Variants in VMA22 observed in about 807,000 individuals in gnomAD.
VMA22 encodes the protein vacuolar ATPase assembly protein VMA22.
At chr2:130,341,155 A>C in the VMA22 span, 1 of 1,294,280 alleles carries the variant, frequency 7.7e-7, no homozygotes, top group Non-Finnish European at 1.0e-6. Flanking sequence ...TTGGTTGGAA[A>C]ATTCCAACTT....
At chr2:130,342,636 G>T in the VMA22 span, 1 of 484,952 alleles carries the variant, frequency 2.1e-6, no homozygotes, top group Non-Finnish European at 3.7e-6. Flanking sequence ...GCGGTGGTGG[G>T]GGGAGGACGA....
the VMA22 span, chr2:130,339,929 A>G: frequency 1.1e-6 from 1 of 875,318 alleles, no homozygotes; most frequent in Non-Finnish European, 1.5e-6. Flanking sequence ...TATGCAGTGG[A>G]CTCCCAAATC....
At chr2:130,340,750 G>T in the VMA22 span, 1 of 823,284 alleles carries the variant, frequency 1.2e-6, no homozygotes, top group African/African-American at 1.7e-5. Context: ...ACCAGTAAAT[G>T]CTTTTGGAAA....
the VMA22 span, chr2:130,342,494 G>A: frequency 2.0e-6 from 1 of 495,316 alleles, no homozygotes; most frequent in Non-Finnish European, 3.6e-6. Flanking sequence ...GGGAAGAGTG[G>A]TTTTAAAGTT....
the VMA22 span, chr2:130,342,124 A>G: frequency 6.2e-7 from 1 of 1,613,538 alleles, no homozygotes; most frequent in Middle Eastern, 1.6e-4. Context: ...AAGCGCCGCC[A>G]TGGACACACC....
chr2:130,341,483 A>C, the VMA22 span: 1 of 594,524 alleles, frequency 1.7e-6, no homozygotes, highest in South Asian at 2.1e-5. Context: ...AGTGTAAAGC[A>C]ACTCACCAAC....
chr2:130,339,931 TC>T, the VMA22 span: 1 of 861,882 alleles, frequency 1.2e-6, no homozygotes, highest in Middle Eastern at 5.1e-4. Flanking sequence ...TGCAGTGGAC[TC>T]CCAAATCTCT....
chr2:130,338,866 T>A, the VMA22 span: 79 of 474,664 alleles, frequency 1.7e-4, no homozygotes, highest in African/African-American at 1.5e-3. Flanking sequence ...GACTAACGTG[T>A]ACCTGCCTAT....
At chr2:130,341,724 A>ACTTCTGGAGTCC in the VMA22 span, 1 of 1,611,514 alleles carries the variant, frequency 6.2e-7, no homozygotes, top group South Asian at 1.1e-5. Context: ...ACCACCTTGA[A>ACTTCTGGAGTCC]CTTCTGGAGT....
the VMA22 span, chr2:130,342,256 AAGGCC>A: frequency 4.6e-6 from 7 of 1,534,116 alleles, no homozygotes; most frequent in Admixed American, 1.2e-4. Context: ...CGGCAGCACC[AAGGCC>A]TCTGGGTCAG....
the VMA22 span, chr2:130,342,350 G>A: frequency 1.3e-6 from 1 of 759,768 alleles, no homozygotes; most frequent in African/African-American, 1.8e-5. Flanking sequence ...GCCCCCAAGT[G>A]GATCAGCCTG....
the VMA22 span, chr2:130,340,333 T>TG: frequency 5.8e-6 from 1 of 172,526 alleles, no homozygotes; most frequent in Non-Finnish European, 1.3e-5. Flanking sequence ...CCTGTGACCC[T>TG]GTACAGCCAG....
chr2:130,339,035 G>T, the VMA22 span: 1 of 990,462 alleles, frequency 1.0e-6, no homozygotes, highest in African/African-American at 1.6e-5. Flanking sequence ...AGGGGCAAGA[G>T]CTAATTGTGA....
At chr2:130,339,027 G>C in the VMA22 span, 409 of 893,778 alleles carry the variant, frequency 4.6e-4, 3 homozygotes, top group South Asian at 5.3e-3. Flanking sequence ...CGTGGGGTAG[G>C]GGCAAGAGCT....
chr2:130,338,940 C>T, the VMA22 span: 393 of 590,680 alleles, frequency 6.7e-4, no homozygotes, highest in Non-Finnish European at 1.0e-3. Context: ...TTCAAAATTA[C>T]TGTTTGCCTC....
the VMA22 span, chr2:130,342,166 C>T: frequency 9.3e-6 from 15 of 1,607,106 alleles, no homozygotes; most frequent in Admixed American, 3.4e-5. Context: ...TTCCTTGTCA[C>T]CCTCCGCAGT....
At chr2:130,341,787 CG>C in the VMA22 span, 1 of 1,596,206 alleles carries the variant, frequency 6.3e-7, no homozygotes. Flanking sequence ...TTTGGCAGCC[CG>C]GGCCTAGAAC....
the VMA22 span, chr2:130,339,048 G>T: frequency 8.6e-7 from 1 of 1,156,406 alleles, no homozygotes; most frequent in East Asian, 2.4e-5. Context: ...AATTGTGAAG[G>T]AAGAAGGCCT....
At chr2:130,339,671 C>T in the VMA22 span, 2 of 1,304,690 alleles carry the variant, frequency 1.5e-6, no homozygotes, top group Non-Finnish European at 1.0e-6. Context: ...CCGGGCAGCT[C>T]TCGTCTTCGG....
Sources: allele counts gnomAD v4.1 joint callset, GRCh38; gene constraint gnomAD v4.1.1; transcripts MANE v1.5; gene names NCBI Gene and HGNC (gene_info 2026-07-23, HGNC 2026-07-21).